Variants in TEK observed in about 807,000 individuals in gnomAD.
TEK encodes TEK receptor tyrosine kinase.
Under a neutral mutation model 131.8 loss-of-function variants are expected in TEK, and 43 were observed. That is an observed-to-expected ratio of 0.33 (90% CI 0.26 to 0.42). The LOEUF is 0.42. Ranked by LOEUF, TEK falls within the 10% of genes least tolerant of loss-of-function variation. The probability of loss-of-function intolerance (pLI) is 1.00; values close to 1 mark genes in which losing one functional copy is unlikely to be tolerated. For synonymous variants in TEK, 580 were observed against 491.6 expected (o/e 1.18, Z -2.38); for missense variants, 1,162 against 1,384.4 (o/e 0.84, Z 2.55).
In TEK at chr9:27,149,496, G is replaced by A. The variant is rs531383268; in HGVS notation, c.53-8335G>A. Among the ~76,000 whole-genome samples, 21 of 152,210 alleles carry A rather than the reference G, an allele frequency of 1.4e-4. 1 individual carries two copies. In the South Asian group the frequency reaches 4.1e-3, roughly 30 times the overall value. On this transcript the variant is annotated intron_variant, in intron 1 of 22. Coordinates refer to ENST00000380036, the MANE Select transcript of TEK (RefSeq NM_000459.5). ...CCTTTTCTACATGGTATAATCTCAG[G>A]CCTACTAGGAAGGCTAGGTGACTTC...
chr9:27,203,201 T>G, intron 13 of TEK, 82 bp downstream of exon 13: 1 of 1,478,506 alleles, frequency 6.8e-7, no homozygotes, highest in Non-Finnish European at 9.4e-7. Flanking sequence ...GCCTGTGAGA[T>G]GAAAGCCTAT....
intron 15 of TEK, among the ~76,000 whole-genome samples, chr9:27,208,879 TTAGTAGAGGCCAGGA>T (rs1825499154): frequency 6.6e-6 from 1 of 151,802 alleles, no homozygotes; most frequent in Non-Finnish European, 1.5e-5. Flanking sequence ...TGGCATCTAG[TTAGTAGAGGCCAGGA>T]TGGCTGCAAA....
In TEK at chr9:27,162,888, G is replaced by A. The variant is rs562951603; in HGVS notation, c.364+4746G>A. ...GCACCACCATGCCCAGCTTGTTTTC[G>A]TATTTTTAGTAGAGACAGGGCTTTA... On this transcript the variant is annotated intron_variant, in intron 2 of 22. Coordinates refer to ENST00000380036, the MANE Select transcript of TEK (RefSeq NM_000459.5). 1.4e-4 allele frequency among the ~76,000 whole-genome samples: 21 copies of A among 152,146 alleles called. No homozygotes were observed. The East Asian group carries it at 2.7e-3, about 20-fold the overall frequency.
chr9:27,141,377 A>G (rs760199914), intron 1 of TEK, among the ~76,000 whole-genome samples: 3 of 152,104 alleles, frequency 2.0e-5, no homozygotes, highest in Non-Finnish European at 4.4e-5. Context: ...CTCTATTTCT[A>G]GTATTAAATA....
Position 27,209,239 on chromosome 9 carries a change from G to T in TEK, c.2686+8G>T. On this transcript the variant is annotated splice_region_variant and intron_variant, in intron 16 of 22. Transcript: ENST00000380036. Reference sequence around the variant, plus strand: ...GAGCATGTGAACATCGAGGTAAGATGCTCTTTTCCTGTCTTTCCTGCCAGA... The same window carrying T: ...GAGCATGTGAACATCGAGGTAAGATTCTCTTTTCCTGTCTTTCCTGCCAGA... The T allele has an allele frequency of 6.3e-7, 1 of 1,585,558 alleles. No individual in the cohort carries two copies. Among genetic ancestry groups the T allele is most frequent in the South Asian group, 1.1e-5 (1 of 90,500 alleles).
At chr9:27,153,646 C>T (rs369210306) in intron 1 of TEK, among the ~76,000 whole-genome samples, 3 of 152,128 alleles carry the variant, frequency 2.0e-5, no homozygotes, top group Non-Finnish European at 4.4e-5. Flanking sequence ...ACTCACTATC[C>T]GTCCCCAACA....
intron 1 of TEK, among the ~76,000 whole-genome samples, chr9:27,112,236 G>C (rs1366074242): frequency 6.6e-6 from 1 of 152,178 alleles, no homozygotes; most frequent in Non-Finnish European, 1.5e-5. Context: ...TGGATTCAGA[G>C]ATAGCAGACA....
intron 9 of TEK, among the ~76,000 whole-genome samples, chr9:27,187,500 T>A (rs1287379759): frequency 3.3e-5 from 5 of 152,174 alleles, no homozygotes; most frequent in Non-Finnish European, 7.4e-5. Flanking sequence ...TCTTCAAGAA[T>A]GTTCAGAGCA....
At chr9:27,146,104 A>G (rs1169148747) in intron 1 of TEK, among the ~76,000 whole-genome samples, 1 of 152,156 alleles carries the variant, frequency 6.6e-6, no homozygotes, top group Non-Finnish European at 1.5e-5. Flanking sequence ...TTCAAGGCTC[A>G]TGCAAACTTA....
chr9:27,160,403 G>C (rs1405972938), intron 2 of TEK, among the ~76,000 whole-genome samples: 15 of 152,160 alleles, frequency 9.9e-5, no homozygotes, highest in Non-Finnish European at 1.9e-4. Context: ...CTAACCATCT[G>C]TAGTCTGCAT....
chr9:27,198,971 A>C (rs191307676), intron 12 of TEK, among the ~76,000 whole-genome samples: 2 of 151,560 alleles, frequency 1.3e-5, no homozygotes, highest in Non-Finnish European at 2.9e-5. Flanking sequence ...CTTTTTTTAA[A>C]AATTTTTTTG....
intron 2 of TEK, among the ~76,000 whole-genome samples, chr9:27,166,421 A>G (rs1033082094): frequency 2.0e-5 from 3 of 152,202 alleles, no homozygotes; most frequent in African/African-American, 7.2e-5. Context: ...CGGATTTGTC[A>G]GTTTCTTTAA....
intron 7 of TEK, 46 bp downstream of exon 7, chr9:27,180,414 G>A (rs1824323170): frequency 6.3e-7 from 1 of 1,593,592 alleles, no homozygotes. Flanking sequence ...CAGCATGTCT[G>A]AACTGAGCTT....
chr9:27,183,368 G>A, intron 7 of TEK, 91 bp from the exon 8 acceptor site: 1 of 1,407,094 alleles, frequency 7.1e-7, no homozygotes, highest in Non-Finnish European at 1.0e-6. Flanking sequence ...CTTGCCCGGT[G>A]CATGACTTAC....
At chr9:27,151,470 A>G (rs1443576404) in intron 1 of TEK, among the ~76,000 whole-genome samples, 1 of 152,144 alleles carries the variant, frequency 6.6e-6, no homozygotes, top group African/African-American at 2.4e-5. Flanking sequence ...CTCAGTAGTT[A>G]CCATTTTGGG....
intron 6 of TEK, among the ~76,000 whole-genome samples, chr9:27,179,205 C>T (rs559709555): frequency 1.3e-5 from 2 of 152,226 alleles, no homozygotes; most frequent in East Asian, 1.9e-4. Flanking sequence ...TTTATTGACT[C>T]TTTCTTTTGT....
chr9:27,200,303 C>A (rs1303167230), intron 12 of TEK, among the ~76,000 whole-genome samples: 1 of 152,188 alleles, frequency 6.6e-6, no homozygotes, highest in Admixed American at 6.5e-5. Flanking sequence ...TCAAAATTAT[C>A]TGAGGTGCTC....
At chr9:27,139,618 C>G (rs1045874182) in intron 1 of TEK, among the ~76,000 whole-genome samples, 2 of 152,036 alleles carry the variant, frequency 1.3e-5, no homozygotes, top group Non-Finnish European at 1.5e-5. Context: ...GACACCATGC[C>G]TGGCTGACAG....
intron 1 of TEK, among the ~76,000 whole-genome samples, chr9:27,144,374 A>T (rs1822839300): frequency 6.6e-6 from 1 of 152,242 alleles, no homozygotes; most frequent in Admixed American, 6.5e-5. Context: ...TGTGTTTGGA[A>T]TGATGTTACT....
Sources: allele counts gnomAD v4.1 joint callset (sites outside exome capture counted in the v4.1 genomes callset), GRCh38; gene constraint gnomAD v4.1.1; transcripts MANE v1.5; gene names NCBI Gene and HGNC (gene_info 2026-07-23, HGNC 2026-07-21).